The following SCAMP2 variants were observed in gnomAD, a reference collection of about 807,000 sequenced individuals.
SCAMP2 encodes secretory carrier-associated membrane protein 2.
In SCAMP2, 25 loss-of-function variants were observed where a neutral mutation model predicts 44.1. The observed-to-expected ratio is 0.57, with a 90% CI of 0.41 to 0.79. SCAMP2 has a LOEUF of 0.79. Ranked by LOEUF, SCAMP2 falls within the 30% of genes least tolerant of loss-of-function variation. The pLI is 0.00. For missense variants in SCAMP2, 355 were observed against 411.0 expected (o/e 0.86, Z 1.18); for synonymous variants, 156 against 166.0 (o/e 0.94, Z 0.46).
At chr15:74,850,744 T>C in intron 5 of SCAMP2, 71 bp from the exon 6 acceptor site, 1 of 1,522,610 alleles carries the variant, frequency 6.6e-7, no homozygotes, top group South Asian at 1.2e-5. Flanking sequence ...TGGCAGCCAC[T>C]CCCTAGGAGA....
In SCAMP2 at chr15:74,844,097, G is replaced by A. The variant is rs2064362679; in HGVS notation, c.*986C>T. Reference sequence around the variant, plus strand: ...CTGCTGAGGGATGCGGTTCTGGACTGGCTGGCCCTGCCCTTCCTGAAAGTC... The same window carrying A: ...CTGCTGAGGGATGCGGTTCTGGACTAGCTGGCCCTGCCCTTCCTGAAAGTC... On this transcript the variant is annotated 3_prime_UTR_variant, in exon 9 of 9. Coordinates refer to ENST00000268099, the MANE Select transcript of SCAMP2 (RefSeq NM_005697.5). 6.6e-6 allele frequency: 1 copy of A among 152,102 alleles called. No individual in the cohort carries two copies. Among genetic ancestry groups the A allele is most frequent in the Non-Finnish European group, 1.5e-5 (1 of 68,146 alleles). The allele number at this position is 152,102 out of a possible 1,614,324, so 9.4% of individuals were successfully genotyped here.
At chr15:74,855,993 G>A (rs926502788) in intron 1 of SCAMP2, among the ~76,000 whole-genome samples, 3 of 152,020 alleles carry the variant, frequency 2.0e-5, no homozygotes, top group Non-Finnish European at 4.4e-5. Flanking sequence ...TGCTGGCCTG[G>A]AACAGTTGTC....
In SCAMP2 at chr15:74,872,961, G is replaced by A. The variant is rs1596429654; in HGVS notation, c.57+238C>T. The A allele has an allele frequency of 1.7e-5, 8 of 457,870 alleles. No homozygotes were observed. The East Asian group carries it at 2.9e-4, about 17-fold the overall frequency. The allele number at this position is 457,870 out of a possible 1,614,324, so 28.4% of individuals were successfully genotyped here. On this transcript the variant is annotated intron_variant, in intron 1 of 8. Transcript: ENST00000268099. ...CCTTCCCTAGCACAGCCCAGCCTCC[G>A]GGTGCTAGAAGACCCCACTGTCTCC...
At chr15:74,857,253 T>A (rs2064474176) in intron 1 of SCAMP2, among the ~76,000 whole-genome samples, 2 of 152,204 alleles carry the variant, frequency 1.3e-5, no homozygotes, top group South Asian at 4.1e-4. Context: ...TTCTTCCTGC[T>A]GAACACCACC....
At chr15:74,862,430 G>A (rs1388589877) in intron 1 of SCAMP2, among the ~76,000 whole-genome samples, 2 of 151,828 alleles carry the variant, frequency 1.3e-5, no homozygotes, top group African/African-American at 4.8e-5. Context: ...GCAAAAATTA[G>A]CAGGGCACGG....
intron 7 of SCAMP2, among the ~76,000 whole-genome samples, chr15:74,846,995 A>G (rs1186940544): frequency 6.6e-6 from 1 of 152,004 alleles, no homozygotes; most frequent in Non-Finnish European, 1.5e-5. Flanking sequence ...AAAATAGTGT[A>G]GGACTGGCAT....
chr15:74,849,407 C>T (rs1372919544), intron 6 of SCAMP2, among the ~76,000 whole-genome samples: 1 of 151,996 alleles, frequency 6.6e-6, no homozygotes, highest in African/African-American at 2.4e-5. Context: ...GAGACTGCGC[C>T]ATTGCACTCC....
chr15:74,853,819 G>GTGT, intron 3 of SCAMP2: 1 of 590,936 alleles, frequency 1.7e-6, no homozygotes, highest in East Asian at 2.8e-5. Context: ...GGTGGTGGTG[G>GTGT]GTGGGATGGA....
rs1555472822 is a variant in SCAMP2, at chr15:74,844,207, G to GC, written c.*875_*876insG. 32 of 151,060 alleles carry GC rather than the reference G, an allele frequency of 2.1e-4. 1 individual carries two copies. The highest frequency in any genetic ancestry group is 7.8e-4 in the African/African-American group (32 of 41,144). The allele number at this position is 151,060 out of a possible 1,614,324, so 9.4% of individuals were successfully genotyped here. On this transcript the variant is annotated 3_prime_UTR_variant, in exon 9 of 9. Coordinates refer to ENST00000268099, the MANE Select transcript of SCAMP2 (RefSeq NM_005697.5). ...CAGCCGTCCCTCGGTTCGGGGAGGG[G>GC]GGGGGGTAGTCACAGCAAACAGGGC...
intron 1 of SCAMP2, among the ~76,000 whole-genome samples, chr15:74,865,950 C>CGAAGGAAGGAAGGAAGGAAGGAAGGAAG (rs1173545052): frequency 2.7e-4 from 10 of 36,526 alleles, no homozygotes; most frequent in Admixed American, 4.6e-4. Flanking sequence ...GACTCTGTCT[C>CGAAGGAAGGAAGGAAGGAAGGAAGGAAG]GAAGGAAGGA....
chr15:74,858,494 C>T (rs1055921444), intron 1 of SCAMP2, among the ~76,000 whole-genome samples: 1 of 152,128 alleles, frequency 6.6e-6, no homozygotes, highest in Non-Finnish European at 1.5e-5. Flanking sequence ...TCATTTAACC[C>T]TCACAACAGC....
chr15:74,870,885 T>C (rs1416578424), intron 1 of SCAMP2, among the ~76,000 whole-genome samples: 1 of 152,230 alleles, frequency 6.6e-6, no homozygotes, highest in Non-Finnish European at 1.5e-5. Flanking sequence ...CAGGAAGGAC[T>C]CCTTCAAGGA....
At chr15:74,857,822 A>G (rs1020362775) in intron 1 of SCAMP2, among the ~76,000 whole-genome samples, 1 of 152,214 alleles carries the variant, frequency 6.6e-6, no homozygotes, top group Admixed American at 6.6e-5. Context: ...AGCCATGTGC[A>G]TCTGTGTCTG....
chr15:74,865,135 C>T (rs2064533590), intron 1 of SCAMP2, among the ~76,000 whole-genome samples: 1 of 145,568 alleles, frequency 6.9e-6, no homozygotes, highest in Non-Finnish European at 1.5e-5. Flanking sequence ...AATCCCAGCA[C>T]TTTGGGAGGC....
chr15:74,858,448 C>T (rs1262307882), intron 1 of SCAMP2, among the ~76,000 whole-genome samples: 1 of 152,080 alleles, frequency 6.6e-6, no homozygotes, highest in Non-Finnish European at 1.5e-5. Context: ...TGGCTCAGCT[C>T]GGGACCCTGG....
chr15:74,851,231 AC>A, intron 5 of SCAMP2, 121 bp downstream of exon 5: 1 of 1,172,586 alleles, frequency 8.5e-7, no homozygotes, highest in Non-Finnish European at 1.2e-6. Context: ...CAGCCCAGGC[AC>A]TGAGGAAGGC....
intron 1 of SCAMP2, among the ~76,000 whole-genome samples, chr15:74,868,270 T>C (rs1363375297): frequency 6.6e-6 from 1 of 152,226 alleles, no homozygotes; most frequent in Non-Finnish European, 1.5e-5. Flanking sequence ...GGAAGTTTTC[T>C]AATCATCCCG....
At chr15:74,849,147 TTAA>T (rs1269915821) in intron 6 of SCAMP2, among the ~76,000 whole-genome samples, 2 of 152,158 alleles carry the variant, frequency 1.3e-5, no homozygotes, top group African/African-American at 4.8e-5. Context: ...AGCCAATCTC[TTAA>T]TAATAAGTAA....
chr15:74,870,252 A>C (rs78749825), intron 1 of SCAMP2, among the ~76,000 whole-genome samples: 11,441 of 152,222 alleles, frequency 0.075, 1,193 homozygotes, highest in African/African-American at 0.23. Context: ...CAGTTTGCAC[A>C]GTCATTTTTG....
Sources: gnomAD v4.1 joint callset for allele counts (sites outside exome capture counted in the v4.1 genomes callset) on GRCh38, gnomAD v4.1.1 for gene constraint, MANE v1.5 for transcripts, NCBI Gene and HGNC (gene_info 2026-07-23, HGNC 2026-07-21) for gene names.